The following UTS2R variants were observed in gnomAD, a reference collection of about 807,000 sequenced individuals.
UTS2R encodes the protein urotensin-2 receptor.
For synonymous variants in UTS2R, 335 were observed against 280.9 expected (o/e 1.19, Z -1.93); for missense variants, 653 against 562.2 (o/e 1.16, Z -1.63).
intron 2 of UTS2R, among the ~76,000 whole-genome samples, chr17:82,374,025 G>C (rs192700276): frequency 1.3e-5 from 2 of 151,958 alleles, no homozygotes; most frequent in Non-Finnish European, 1.5e-5. Context: ...CTACAGTGAG[G>C]GGGGGGCAGG....
In UTS2R at chr17:82,371,891, G is replaced by C. The variant is rs1054570223; in HGVS notation, c.-425G>C. ...TGCTCTGGAAGCCGAGGCCACCGCG[G>C]AGCCCCTCGCGCCCCCTCTGCGCTG... On this transcript the variant is annotated 5_prime_UTR_variant, in exon 1 of 3. Transcript: ENST00000313135. The surrounding 1 kb of genome is among the most constrained non-coding windows in gnomAD (Gnocchi z 6.3). Among the ~76,000 whole-genome samples the C allele has an allele frequency of 1.6e-4, 24 of 151,982 alleles. No homozygotes were observed. Among genetic ancestry groups the C allele is most frequent in the African/African-American group, 5.8e-4 (24 of 41,520 alleles).
rs1225820085 is a variant in UTS2R at position 82,375,208 on chromosome 17, T to C, written c.884T>C (p.Ile295Thr). The C allele has an allele frequency of 1.3e-6, 2 of 1,571,274 alleles. No individual in the cohort carries two copies. Among genetic ancestry groups the C allele is most frequent in the African/African-American group, 2.7e-5 (2 of 73,136 alleles). The stretch of plus-strand genomic sequence containing the variant: ...CCGCTGGCGCCGCGGACGGCGCGCA[T>C]CGTCAACTACCTGACCACCTGCCTC... ...QAPLAPRTAR[I>T]VNYLTTCLTY... Residue 295 changes from isoleucine to threonine, a missense_variant, in exon 3 of 3, where the codon ATC becomes ACC. Coordinates refer to ENST00000313135, the MANE Select transcript of UTS2R (RefSeq NM_018949.3).
Position 82,372,646 on chromosome 17 carries a change from C to T in UTS2R, c.-220C>T, listed in dbSNP as rs1413832388. Among the ~76,000 whole-genome samples, 1 of 152,238 alleles carries T rather than the reference C, an allele frequency of 6.6e-6. No homozygotes were observed. Among genetic ancestry groups the T allele is most frequent in the Non-Finnish European group, 1.5e-5 (1 of 68,044 alleles). ...AGGCTGCTGACCCCAGCGGCGACTC[C>T]TTCACTGGCTTCATGTCACAGTTTG... On this transcript the variant is annotated 5_prime_UTR_variant, in exon 2 of 3. Transcript: ENST00000313135.
rs1344020960 is a variant in UTS2R, at chr17:82,375,260, C to T, written c.936C>T (p.Pro312=). 1.9e-6 allele frequency: 3 copies of T among 1,577,728 alleles called. No individual in the cohort carries two copies. In the South Asian group the frequency reaches 3.5e-5, roughly 18 times the overall value. Reference sequence around the variant, plus strand: ...CCTACGGCAACAGCTGCGCCAACCCCTTCCTCTACACGCTGCTCACCAGGA... The same window carrying T: ...CCTACGGCAACAGCTGCGCCAACCCTTTCCTCTACACGCTGCTCACCAGGA... The part of the protein sequence containing the change: ...CLTYGNSCAN[P]FLYTLLTRNY... Residue 312 remains proline (P), a synonymous_variant, in exon 3 of 3, where the codon CCC becomes CCT. Transcript: ENST00000313135.
rs2052489741 is a variant in UTS2R, at chr17:82,375,499, G to A, written c.*5G>A. On this transcript the variant is annotated 3_prime_UTR_variant, in exon 3 of 3. Transcript: ENST00000313135. Reference sequence around the variant, plus strand: ...GGTCCCAGGGCCCCGGCGTGAGCACGCGGAGGGGCGGCTGGAGTCCAGGCG... The same window carrying A: ...GGTCCCAGGGCCCCGGCGTGAGCACACGGAGGGGCGGCTGGAGTCCAGGCG... 1.6e-6 allele frequency: 2 copies of A among 1,231,152 alleles called. No individual in the cohort carries two copies. The highest frequency in any genetic ancestry group is 2.2e-6 in the Non-Finnish European group (2 of 921,252). 76.3% of individuals were successfully genotyped at this position (1,231,152 alleles called of 1,614,324 possible). A position where few individuals can be genotyped will look rare whatever the true frequency, so the allele number is the denominator to read the frequency against.
rs982201968 is a variant in UTS2R, at chr17:82,374,797, C to A, written c.473C>A (p.Thr158Asn). 6.4e-7 allele frequency: 1 copy of A among 1,572,294 alleles called. No individual in the cohort carries two copies. Among genetic ancestry groups the A allele is most frequent in the Admixed American group, 1.7e-5 (1 of 58,120 alleles). ...GCTGCGGTGCTGCGGCCGCTGGACA[C>A]CGTGCAGCGCCCCAAGGGCTACCGC... ...RYAAVLRPLDTVQRPKGYRKL... is the reference protein window; with the variant it reads ...RYAAVLRPLDNVQRPKGYRKL... Residue 158 changes from threonine (T) to asparagine (N), a missense_variant, in exon 3 of 3, where the codon ACC becomes AAC. Transcript: ENST00000313135.
Position 82,374,762 on chromosome 17 carries a change from C to G in UTS2R, c.438C>G (p.Ser146Arg), listed in dbSNP as rs770047242. 6.2e-7 allele frequency: 1 copy of G among 1,608,066 alleles called. No individual in the cohort carries two copies. The highest frequency in any genetic ancestry group is 1.1e-5 in the South Asian group (1 of 90,822). The stretch of plus-strand genomic sequence containing the variant: ...TCTTCACGCTGACCGTCATGAGCAG[C>G]GAGCGCTACGCTGCGGTGCTGCGGC... ...ASIFTLTVMSSERYAAVLRPL... is the reference protein window; with the variant it reads ...ASIFTLTVMSRERYAAVLRPL... Residue 146 changes from serine to arginine, a missense_variant, in exon 3 of 3, where the codon AGC becomes AGG. Transcript: ENST00000313135.
At position 82,376,359 on chromosome 17, in the gene UTS2R, G is replaced by T. The variant is rs1344556681; in HGVS notation, c.*865G>T. Among the ~76,000 whole-genome samples the T allele has an allele frequency of 1.3e-5, 2 of 152,256 alleles. No homozygotes were observed. The highest frequency in any genetic ancestry group is 3.9e-4 in the East Asian group (2 of 5,186). On this transcript the variant is annotated 3_prime_UTR_variant, in exon 3 of 3. Transcript: ENST00000313135. The stretch of plus-strand genomic sequence containing the variant: ...CAGCTTGGCCAACCATCCTCTCTCT[G>T]GCGACTGCCCCCCTCCAGCCCCCAG...
At chr17:82,373,890 T>TG (rs796735769) in intron 2 of UTS2R, among the ~76,000 whole-genome samples, 11 of 152,272 alleles carry the variant, frequency 7.2e-5, no homozygotes, top group South Asian at 2.1e-4. Context: ...AAGTGAGGCC[T>TG]GGGGGGGCGC....
chr17:82,372,804 T>C (rs1023232112), intron 2 of UTS2R, among the ~76,000 whole-genome samples, 21 bp downstream of exon 2: 2 of 152,198 alleles, frequency 1.3e-5, no homozygotes. Context: ...GAGAGTAGAA[T>C]TGCCGGGTGA....
At position 82,375,483 on chromosome 17, in the gene UTS2R, GC is replaced by G; in HGVS notation, c.1163del (p.Pro388ArgfsTer64). 1 of 1,387,424 alleles carries G rather than the reference GC, an allele frequency of 7.2e-7. No homozygotes were observed. The allele number at this position is 1,387,424 out of a possible 1,614,324, so 85.9% of individuals were successfully genotyped here. ...PARPAPEGPR[A>X]PA ...CCGACCTGCGCCCGAGGGTCCCAGGGCCCCGGCGTGAGCACGCGGAGGGGCG... is the reference window on the plus strand; with the variant it reads ...CCGACCTGCGCCCGAGGGTCCCAGGGCCCGGCGTGAGCACGCGGAGGGGCG... On this transcript the variant is annotated frameshift_variant, in exon 3 of 3. Transcript: ENST00000313135. LOFTEE classifies it high-confidence loss of function.
At position 82,374,850 on chromosome 17, in the gene UTS2R, C is replaced by T; in HGVS notation, c.526C>T (p.Leu176=). The change falls in exon 3 of 3, where the codon CTG becomes TTG. Residue 176 remains leucine (L), a synonymous_variant. Coordinates refer to ENST00000313135, the MANE Select transcript of UTS2R (RefSeq NM_018949.3). ...RKLLALGTWL[L]ALLLTLPVML... ...GCTGCTGGCGCTGGGCACCTGGCTG[C>T]TGGCGCTGCTGCTGACGCTGCCCGT... 7.2e-7 allele frequency: 1 copy of T among 1,388,952 alleles called. No homozygotes were observed. The highest frequency in any genetic ancestry group is 9.9e-7 in the Non-Finnish European group (1 of 1,007,036). The allele number at this position is 1,388,952 out of a possible 1,614,324, so 86.0% of individuals were successfully genotyped here. A position where few individuals can be genotyped will look rare whatever the true frequency, so the allele number is the denominator to read the frequency against.
In UTS2R at chr17:82,372,739, T is replaced by C. The variant is rs1346593875; in HGVS notation, c.-127T>C. ...TTAGGAGTCAAGCTGCCGTGAACTT[T>C]CGCACGCTTGTCATTTTCTGAACGT... On this transcript the variant is annotated 5_prime_UTR_variant, in exon 2 of 3. Coordinates refer to ENST00000313135, the MANE Select transcript of UTS2R (RefSeq NM_018949.3). Among the ~76,000 whole-genome samples, 1 of 152,240 alleles carries C rather than the reference T, an allele frequency of 6.6e-6. No individual in the cohort carries two copies. Among genetic ancestry groups the C allele is most frequent in the Non-Finnish European group, 1.5e-5 (1 of 68,040 alleles).
Position 82,374,742 on chromosome 17 carries a change from A to G in UTS2R, c.418A>G (p.Thr140Ala). The G allele has an allele frequency of 1.2e-6, 2 of 1,611,578 alleles. No homozygotes were observed. The highest frequency in any genetic ancestry group is 1.1e-5 in the South Asian group (1 of 91,042). ...CCTGACCATGCACGCCAGCATCTTC[A>G]CGCTGACCGTCATGAGCAGCGAGCG... is the stretch of plus-strand genomic sequence containing the variant. ...DFLTMHASIFTLTVMSSERYA... is the reference protein window; with the variant it reads ...DFLTMHASIFALTVMSSERYA... Residue 140 changes from threonine (T) to alanine (A), a missense_variant, in exon 3 of 3, where the codon ACG becomes GCG. Physicochemically the swap from Thr to Ala is moderately conservative, Grantham distance 58. Coordinates refer to ENST00000313135, the MANE Select transcript of UTS2R (RefSeq NM_018949.3).
In UTS2R at chr17:82,375,523, C is replaced by T; in HGVS notation, c.*29C>T. On this transcript the variant is annotated 3_prime_UTR_variant, in exon 3 of 3. Transcript: ENST00000313135. ...CGCGGAGGGGCGGCTGGAGTCCAGG[C>T]GGGGACGCGCCCCAAAGCCCCAGCC... 4.1e-6 allele frequency: 4 copies of T among 969,970 alleles called. No individual in the cohort carries two copies. Among genetic ancestry groups the T allele is most frequent in the East Asian group, 3.2e-5 (1 of 31,392 alleles). 60.1% of individuals were successfully genotyped at this position (969,970 alleles called of 1,614,324 possible). A position where few individuals can be genotyped will look rare whatever the true frequency, so the allele number is the denominator to read the frequency against.
chr17:82,375,281 C>T lies in UTS2R; in HGVS notation c.957C>T (p.Thr319=). Residue 319 remains threonine, a synonymous_variant, in exon 3 of 3, where the codon ACC becomes ACT. Transcript: ENST00000313135. The part of the protein sequence containing the change: ...CANPFLYTLL[T]RNYRDHLRGR... ...ACCCCTTCCTCTACACGCTGCTCAC[C>T]AGGAACTACCGCGACCACCTGCGCG... 2 of 1,562,876 alleles carry T rather than the reference C, an allele frequency of 1.3e-6. No individual in the cohort carries two copies. The highest frequency in any genetic ancestry group is 1.7e-6 in the Non-Finnish European group (2 of 1,155,794).
In UTS2R at chr17:82,374,413, C is replaced by A. The variant is rs769497462; in HGVS notation, c.89C>A (p.Ala30Glu). 1 of 1,597,086 alleles carries A rather than the reference C, an allele frequency of 6.3e-7. No homozygotes were observed. The highest frequency in any genetic ancestry group is 2.2e-5 in the East Asian group (1 of 44,462). ...CCGGAGCCGCCTGGCGGCCCCAACG[C>A]AACCCTCAACAGCTCCTGGGCCAGC... ...SVPEPPGGPN[A>E]TLNSSWASPT... The change falls in exon 3 of 3, where the codon GCA becomes GAA. Residue 30 changes from alanine (A) to glutamate (E), a missense_variant. By Grantham distance (107) the Ala-to-Glu change is moderately radical (BLOSUM62 -1). Coordinates refer to ENST00000313135, the MANE Select transcript of UTS2R (RefSeq NM_018949.3).
chr17:82,375,903 T>C lies in UTS2R; in HGVS notation c.*409T>C, dbSNP rs1358885585. Among the ~76,000 whole-genome samples, 1 of 152,234 alleles carries C rather than the reference T, an allele frequency of 6.6e-6. No individual in the cohort carries two copies. The highest frequency in any genetic ancestry group is 1.5e-5 in the Non-Finnish European group (1 of 68,040). ...ACAATCAACCCTGAGCTGGCTTCCG[T>C]GTCCTGCCTAGGCGCGGGGGACGCC... On this transcript the variant is annotated 3_prime_UTR_variant, in exon 3 of 3. Coordinates refer to ENST00000313135, the MANE Select transcript of UTS2R (RefSeq NM_018949.3).
Position 82,375,120 on chromosome 17 carries a change from C to T in UTS2R, c.796C>T (p.Leu266Phe), listed in dbSNP as rs2052483247. 2 of 1,510,100 alleles carry T rather than the reference C, an allele frequency of 1.3e-6. No individual in the cohort carries two copies. The highest frequency in any genetic ancestry group is 1.8e-6 in the Non-Finnish European group (2 of 1,131,076). The allele number at this position is 1,510,100 out of a possible 1,614,324, so 93.5% of individuals were successfully genotyped here. Residue 266 changes from leucine (L) to phenylalanine (F), a missense_variant, in exon 3 of 3, where the codon CTC becomes TTC. Physicochemically the swap from Leu to Phe is conservative, Grantham distance 22. Coordinates refer to ENST00000313135, the MANE Select transcript of UTS2R (RefSeq NM_018949.3). ...ALRLVLGIVLLFWACFLPFWL... is the reference protein window; with the variant it reads ...ALRLVLGIVLFFWACFLPFWL... ...GCGCCTGGTGCTGGGCATCGTGCTG[C>T]TCTTCTGGGCCTGCTTCCTGCCCTT...
Sources: allele counts gnomAD v4.1 joint callset (sites outside exome capture counted in the v4.1 genomes callset), GRCh38; gene constraint gnomAD v4.1.1; non-coding constraint Gnocchi (gnomAD v3.1); transcripts MANE v1.5; gene names NCBI Gene and HGNC (gene_info 2026-07-23, HGNC 2026-07-21).